The following CR1L variants were observed in gnomAD, a reference collection of about 807,000 sequenced individuals.
The protein encoded by CR1L is complement component receptor 1-like protein.
CR1L carries 59 observed loss-of-function variants against 62.3 expected under a neutral mutation model. That is an observed-to-expected ratio of 0.95 (90% CI 0.77 to 1.18). The LOEUF is 1.18. Ranked by LOEUF, CR1L falls within the 50% of genes most tolerant of loss-of-function variation. CR1L has a pLI of 0.00. For synonymous variants in CR1L, 279 were observed against 248.7 expected, an observed-to-expected ratio of 1.12 and a Z score of -1.15; for missense variants, 700 against 702.8, an observed-to-expected ratio of 1.00 and a Z score of 0.04.
At position 207,712,710 on chromosome 1, in the gene CR1L, C is replaced by G. The variant is rs368574573; in HGVS notation, c.1414+4447C>G. ...GAAGCCCCCAGATGTACAGGTGCCT[C>G]TCTTTCCCCCTCACATGGAAGTCTT... On this transcript the variant is annotated intron_variant, in intron 10 of 11. Coordinates refer to ENST00000508064, the MANE Select transcript of CR1L (RefSeq NM_175710.2). Among the ~76,000 whole-genome samples the G allele has an allele frequency of 1.5e-3, 233 of 152,336 alleles. 3 individuals carry two copies. The highest frequency in any genetic ancestry group is 5.3e-3 in the African/African-American group (221 of 41,570).
intron 10 of CR1L, among the ~76,000 whole-genome samples, chr1:207,712,692 C>T (rs1664377478): frequency 6.6e-6 from 1 of 152,152 alleles, no homozygotes; most frequent in Non-Finnish European, 1.5e-5. Flanking sequence ...CCTGAAGCCC[C>T]CAGATGTACA....
intron 1 of CR1L, among the ~76,000 whole-genome samples, chr1:207,645,642 G>A (rs1663110248): frequency 6.6e-6 from 1 of 152,202 alleles, no homozygotes; most frequent in Admixed American, 6.5e-5. Flanking sequence ...AGGGCTTACT[G>A]GGCGCCCCAG....
rs150825544 is a variant in CR1L at position 207,645,858 on chromosome 1, G to A, written c.97+528G>A. Among the ~76,000 whole-genome samples the A allele has an allele frequency of 2.3e-3, 345 of 152,306 alleles. 1 individual carries two copies. The highest frequency in any genetic ancestry group is 7.9e-3 in the African/African-American group (329 of 41,562). On this transcript the variant is annotated intron_variant, in intron 1 of 11. Transcript: ENST00000508064. ...GGCCTGGGCTGGGCTGGGCGAGCAG[G>A]GGCCTGGCCAGGTGTTGCTGGGAGC...
At chr1:207,677,619 T>G in intron 2 of CR1L, 51 bp downstream of exon 2, 2 of 1,575,792 alleles carry the variant, frequency 1.3e-6, no homozygotes, top group South Asian at 2.4e-5. Context: ...ATCTGTAAGA[T>G]CTGATTCAAT....
chr1:207,684,733 A>G (rs1393316104), intron 4 of CR1L, among the ~76,000 whole-genome samples: 1 of 152,168 alleles, frequency 6.6e-6, no homozygotes, highest in African/African-American at 2.4e-5. Flanking sequence ...GTGGAAAAAG[A>G]ATCAGATGAA....
At chr1:207,708,998 G>T (rs924338492) in intron 10 of CR1L, 24 of 318,740 alleles carry the variant, frequency 7.5e-5, no homozygotes, top group African/African-American at 4.6e-4. Flanking sequence ...CCAGTTATTT[G>T]TATTACTTCT....
intron 1 of CR1L, among the ~76,000 whole-genome samples, chr1:207,673,382 C>T (rs1266431965): frequency 1.3e-5 from 2 of 151,974 alleles, no homozygotes; most frequent in Admixed American, 1.3e-4. Flanking sequence ...TTTTTTTAAG[C>T]TGACAGACAT....
At chr1:207,710,359 G>A in intron 10 of CR1L, 1 of 1,341,564 alleles carries the variant, frequency 7.5e-7, no homozygotes, top group South Asian at 1.2e-5. Context: ...TTGTTTTGGT[G>A]AACTTGCGGT....
chr1:207,691,867 T>C (rs756010591), intron 4 of CR1L, among the ~76,000 whole-genome samples: 3 of 152,232 alleles, frequency 2.0e-5, no homozygotes, highest in Non-Finnish European at 4.4e-5. Flanking sequence ...AAGAGTTTAA[T>C]TGAGCAATGA....
chr1:207,721,225 A>T (rs968724312), intron 11 of CR1L, among the ~76,000 whole-genome samples: 1 of 151,834 alleles, frequency 6.6e-6, no homozygotes, highest in Non-Finnish European at 1.5e-5. Flanking sequence ...AAGTTTTAGG[A>T]TACATGTGCA....
At position 207,645,241 on chromosome 1, in the gene CR1L, C is replaced by T; in HGVS notation, c.8C>T (p.Pro3Leu). Reference sequence around the variant, plus strand: ...GGGTCTCCCGCGCCGCTCATGGCGCCTCCCGTCCGTCTCGAGCGTCCCTTT... The same window carrying T: ...GGGTCTCCCGCGCCGCTCATGGCGCTTCCCGTCCGTCTCGAGCGTCCCTTT... MA[P>L]PVRLERPFPS... The change falls in exon 1 of 12, where the codon CCT (proline) becomes CTT (leucine). Residue 3 changes from proline to leucine, a missense_variant. Coordinates refer to ENST00000508064, the MANE Select transcript of CR1L (RefSeq NM_175710.2). 6.2e-7 allele frequency: 1 copy of T among 1,613,148 alleles called. No individual in the cohort carries two copies. Among genetic ancestry groups the T allele is most frequent in the Non-Finnish European group, 8.5e-7 (1 of 1,179,970 alleles).
In CR1L at chr1:207,694,542, G is replaced by T. The variant is rs371067212; in HGVS notation, c.653G>T (p.Ser218Ile). 1 of 1,612,772 alleles carries T rather than the reference G, an allele frequency of 6.2e-7. No individual in the cohort carries two copies. The highest frequency in any genetic ancestry group is 1.3e-5 in the African/African-American group (1 of 74,930). Residue 218 changes from serine (S) to isoleucine (I), a missense_variant, in exon 5 of 12, where the codon AGT (serine) becomes ATT (isoleucine). Physicochemically the swap from Ser to Ile is moderately radical, Grantham distance 142 (BLOSUM62 -2). Coordinates refer to ENST00000508064, the MANE Select transcript of CR1L (RefSeq NM_175710.2). The part of the protein sequence containing the change: ...TSKDDQVGIW[S>I]GPAPQCIIPN... Reference sequence around the variant, plus strand: ...AAAGATGATCAAGTGGGCATCTGGAGTGGCCCAGCCCCTCAGTGCATTATA... The same window carrying T: ...AAAGATGATCAAGTGGGCATCTGGATTGGCCCAGCCCCTCAGTGCATTATA...
Position 207,645,151 on chromosome 1 carries a change from A to T in CR1L, c.-83A>T, listed in dbSNP as rs1173383086. The T allele has an allele frequency of 2.2e-6, 3 of 1,357,498 alleles. No homozygotes were observed. The highest frequency in any genetic ancestry group is 1.4e-5 in the African/African-American group (1 of 69,816). 84.1% of individuals were successfully genotyped at this position (1,357,498 alleles called of 1,614,324 possible). On this transcript the variant is annotated 5_prime_UTR_variant, in exon 1 of 12. Transcript: ENST00000508064. Reference sequence around the variant, plus strand: ...GGGGATTGTTGTGTCCACTAACCGGACTCAGAAGGGACTTCCCTGCTCGGC... The same window carrying T: ...GGGGATTGTTGTGTCCACTAACCGGTCTCAGAAGGGACTTCCCTGCTCGGC...
chr1:207,703,536 CTT>C (rs1470530812), intron 9 of CR1L, among the ~76,000 whole-genome samples: 2 of 152,340 alleles, frequency 1.3e-5, no homozygotes, highest in African/African-American at 4.8e-5. Context: ...AGCTCATTGA[CTT>C]TGTATCCAAT....
At chr1:207,703,008 C>T (rs919285780) in intron 9 of CR1L, among the ~76,000 whole-genome samples, 3 of 152,114 alleles carry the variant, frequency 2.0e-5, no homozygotes, top group African/African-American at 4.8e-5. Context: ...AACTTGAACC[C>T]GGGAAGCAGA....
At chr1:207,650,386 C>T (rs1663203620) in intron 1 of CR1L, among the ~76,000 whole-genome samples, 1 of 152,074 alleles carries the variant, frequency 6.6e-6, no homozygotes, top group Admixed American at 6.6e-5. Context: ...AGAGTGAGGG[C>T]AGAGTGATCA....
intron 3 of CR1L, among the ~76,000 whole-genome samples, chr1:207,682,992 T>TTTTC (rs956974092): frequency 2.4e-5 from 2 of 84,836 alleles, no homozygotes; most frequent in Admixed American, 1.0e-4. Context: ...TTCTTTCTTT[T>TTTTC]TTTCTTTCTT....
intron 1 of CR1L, among the ~76,000 whole-genome samples, chr1:207,656,916 T>C (rs1267833164): frequency 6.6e-6 from 1 of 152,144 alleles, no homozygotes; most frequent in African/African-American, 2.4e-5. Context: ...TTTAAGAAAA[T>C]GAGATTTGTT....
At chr1:207,668,553 AG>A (rs1396445783) in intron 1 of CR1L, among the ~76,000 whole-genome samples, 1 of 150,944 alleles carries the variant, frequency 6.6e-6, no homozygotes, top group Non-Finnish European at 1.5e-5. Flanking sequence ...GATTGGTTAA[AG>A]GGCACAGGGT....
Sources: gnomAD v4.1 joint callset for allele counts (sites outside exome capture counted in the v4.1 genomes callset) on GRCh38, gnomAD v4.1.1 for gene constraint, MANE v1.5 for transcripts, NCBI Gene and HGNC (gene_info 2026-07-23, HGNC 2026-07-21) for gene names.